Variants in HSPBP1 observed in about 807,000 individuals in gnomAD.
The protein encoded by HSPBP1 is hsp70-binding protein 1.
HSPBP1 carries 31 observed loss-of-function variants against 41.7 expected under a neutral mutation model. That is an observed-to-expected ratio of 0.74 (90% CI 0.56 to 1.00). The LOEUF (loss-of-function observed/expected upper bound fraction) is 1.00. HSPBP1 is among the 50% of genes least tolerant of loss of function. The pLI, the probability that HSPBP1 is intolerant of heterozygous loss-of-function variation, is 0.00. For synonymous variants in HSPBP1, 199 were observed against 214.4 expected, an observed-to-expected ratio of 0.93 and a Z score of 0.63; for missense variants, 439 against 487.9, an observed-to-expected ratio of 0.90 and a Z score of 0.94.
chr19:55,262,569 G>C lies in HSPBP1; in HGVS notation c.*39C>G. On this transcript the variant is annotated 3_prime_UTR_variant, in exon 8 of 8. Coordinates refer to ENST00000433386, the MANE Select transcript of HSPBP1 (RefSeq NM_012267.5). ...AGGTGGGGAGGGAGGCAAGAGGCCT[G>C]GGGTTCCCACGGAGAAGGGGGCAAG... 6.2e-7 allele frequency: 1 copy of C among 1,609,830 alleles called. No individual in the cohort carries two copies. Among genetic ancestry groups the C allele is most frequent in the Admixed American group, 1.7e-5 (1 of 59,504 alleles).
upstream of HSPBP1, chr19:55,280,327 GCCCTGC>G (rs1288649668): frequency 5.2e-5 from 8 of 155,258 alleles, no homozygotes; most frequent in African/African-American, 1.9e-4. Flanking sequence ...GCTGGTCAAA[GCCCTGC>G]CCCTGGCCCA....
intron 3 of HSPBP1, among the ~76,000 whole-genome samples, chr19:55,276,104 CAAAAAAA>C (rs59561808): frequency 6.1e-5 from 4 of 65,992 alleles, no homozygotes; most frequent in East Asian, 4.3e-4. Flanking sequence ...GAGACTGACT[CAAAAAAA>C]AAAAAAAAAA....
intron 4 of HSPBP1, among the ~76,000 whole-genome samples, chr19:55,266,514 C>A (rs796281834): frequency 5.0e-4 from 2 of 3,972 alleles, no homozygotes; most frequent in Non-Finnish European, 1.3e-3. Context: ...ATCACCACCA[C>A]CACCATCACC....
chr19:55,276,942 G>A (rs2088089534), intron 3 of HSPBP1, among the ~76,000 whole-genome samples: 1 of 152,164 alleles, frequency 6.6e-6, no homozygotes, highest in African/African-American at 2.4e-5. Context: ...ACAAGAGGAA[G>A]TAATCAGGAC....
intron 4 of HSPBP1, among the ~76,000 whole-genome samples, chr19:55,269,770 C>T (rs890678828): frequency 2.0e-5 from 3 of 152,176 alleles, no homozygotes; most frequent in Non-Finnish European, 4.4e-5. Context: ...TAGAATACTA[C>T]AGTATGGATC....
intron 1 of HSPBP1, 55 bp downstream of exon 1, chr19:55,279,980 A>T: frequency 2.8e-6 from 1 of 358,554 alleles, no homozygotes; most frequent in Non-Finnish European, 5.2e-6. Context: ...TCTCCTTAGC[A>T]ACAAGTCTTC....
rs144279522 is a variant in HSPBP1, at chr19:55,262,613, G to A, written c.1075C>T (p.Arg359Trp). The A allele has an allele frequency of 9.9e-6, 16 of 1,613,662 alleles. No homozygotes were observed. The highest frequency in any genetic ancestry group is 1.6e-4 in the Middle Eastern group (1 of 6,084). ...FSSPADDSMD[R>W] is the part of the protein sequence containing the mutation. ...GGGCAAGAAGCCACCTGGTTTCACC[G>A]ATCCATGCTGTCGTCCGCTGGGCTG... Residue 359 changes from arginine (R) to tryptophan (W), a missense_variant, in exon 8 of 8, where the codon CGG (arginine) becomes TGG (tryptophan). Arg to Trp is a moderately radical substitution (Grantham distance 101, BLOSUM62 -3). Transcript: ENST00000433386.
At chr19:55,278,115 C>T (rs779028246) in intron 2 of HSPBP1, among the ~76,000 whole-genome samples, 6 of 152,074 alleles carry the variant, frequency 3.9e-5, no homozygotes, top group Admixed American at 2.6e-4. Flanking sequence ...GGCCTGGTGG[C>T]GTGAGCCTGT....
rs186526700 is a variant in HSPBP1, at chr19:55,269,713, T to C, written c.641-3427A>G. Among the ~76,000 whole-genome samples, 5 of 152,228 alleles carry C rather than the reference T, an allele frequency of 3.3e-5. No individual in the cohort carries two copies. In the East Asian group the frequency reaches 9.7e-4, roughly 29 times the overall value. On this transcript the variant is annotated intron_variant, in intron 4 of 7. Transcript: ENST00000433386. ...GACAGTAAAAAGCTCAGGGGTGGGA[T>C]GACTAGCGGGAGCACAGAGGATTTG...
chr19:55,265,465 T>A lies in HSPBP1; in HGVS notation c.894-76A>T, dbSNP rs545246442. ...TGACCCAACCCTATCGCCCGCCCCG[T>A]CCCCTGGCTCACTCAGGAGCCTGGC... On this transcript the variant is annotated intron_variant, in intron 6 of 7. Transcript: ENST00000433386. 1.9e-5 allele frequency: 21 copies of A among 1,106,080 alleles called. 1 individual carries two copies. In the African/African-American group the frequency reaches 2.9e-4, roughly 15 times the overall value. The allele number at this position is 1,106,080 out of a possible 1,614,324, so 68.5% of individuals were successfully genotyped here. A position where few individuals can be genotyped will look rare whatever the true frequency, so the allele number is the denominator to read the frequency against.
rs1213168104 is a variant in HSPBP1, at chr19:55,266,266, C to T, written c.661G>A (p.Ala221Thr). ...AGGCGGAGGAACTGCAGCAGCCCAG[C>T]CTCCTGCTCTCGGACCAGACCTGGG... ...AISCLVREQE[A>T]GLLQFLRLDG... is the part of the protein sequence containing the mutation. Residue 221 changes from alanine to threonine, a missense_variant, in exon 5 of 8, where the codon GCT (alanine) becomes ACT (threonine). By Grantham distance (58) the Ala-to-Thr change is moderately conservative. Coordinates refer to ENST00000433386, the MANE Select transcript of HSPBP1 (RefSeq NM_012267.5). The T allele has an allele frequency of 6.3e-7, 1 of 1,580,644 alleles. No individual in the cohort carries two copies. Among genetic ancestry groups the T allele is most frequent in the South Asian group, 1.2e-5 (1 of 86,482 alleles).
chr19:55,266,788 G>C (rs1284699904), intron 4 of HSPBP1, among the ~76,000 whole-genome samples: 1 of 152,106 alleles, frequency 6.6e-6, no homozygotes, highest in African/African-American at 2.4e-5. Flanking sequence ...TATTCACAGG[G>C]TTGTATAACC....
Position 55,274,443 on chromosome 19 carries a change from C to A in HSPBP1, c.595G>T (p.Asp199Tyr). The change falls in exon 4 of 8, where the codon GAC (aspartate) becomes TAC (tyrosine). Residue 199 changes from aspartate (D) to tyrosine (Y), a missense_variant. By Grantham distance (160) the Asp-to-Tyr change is radical (BLOSUM62 -3). Transcript: ENST00000433386. ...TTGACGCGCACCGTGTCGCAGGCGTCGCGGTCCAGCAGCCGCAGCAGCTTA... is the reference window on the plus strand; with the variant it reads ...TTGACGCGCACCGTGTCGCAGGCGTAGCGGTCCAGCAGCCGCAGCAGCTTA... Reference protein sequence around the residue: ...LRKLLRLLDRDACDTVRVKAL... With the variant: ...LRKLLRLLDRYACDTVRVKAL... The A allele has an allele frequency of 6.4e-7, 1 of 1,573,152 alleles. No individual in the cohort carries two copies.
chr19:55,275,059 G>A (rs1176150519), intron 3 of HSPBP1, among the ~76,000 whole-genome samples: 2 of 152,198 alleles, frequency 1.3e-5, no homozygotes, highest in Non-Finnish European at 2.9e-5. Flanking sequence ...GAGGCCGGGA[G>A]AGCCAGGCCG....
chr19:55,270,523 A>G lies in HSPBP1; in HGVS notation c.640+3875T>C, dbSNP rs1292444720. 1.3e-5 allele frequency among the ~76,000 whole-genome samples: 2 copies of G among 152,138 alleles called. No homozygotes were observed. Among genetic ancestry groups the G allele is most frequent in the Non-Finnish European group, 2.9e-5 (2 of 68,010 alleles). ...GAAGCCGCCCTCCTCAGCAGGGGCC[A>G]CTGCTGCATTCCTCACCCGCAGGAA... is the stretch of plus-strand genomic sequence containing the variant. On this transcript the variant is annotated intron_variant, in intron 4 of 7. Transcript: ENST00000433386. This position sits in a 1 kb window ranked among gnomAD's most constrained non-coding sequence, Gnocchi z 5.4.
In HSPBP1 at chr19:55,262,578, A is replaced by G. The variant is rs144765548; in HGVS notation, c.*30T>C. On this transcript the variant is annotated 3_prime_UTR_variant, in exon 8 of 8. Transcript: ENST00000433386. ...GGGAGGCAAGAGGCCTGGGGTTCCC[A>G]CGGAGAAGGGGGCAAGAAGCCACCT... 11,824 of 1,611,674 alleles carry G rather than the reference A, an allele frequency of 7.3e-3. 57 individuals are homozygous for G. The highest frequency in any genetic ancestry group is 8.0e-3 in the Non-Finnish European group (9,488 of 1,178,852).
intron 4 of HSPBP1, among the ~76,000 whole-genome samples, chr19:55,266,952 A>G (rs771053645): frequency 9.2e-5 from 14 of 152,200 alleles, no homozygotes; most frequent in Admixed American, 2.0e-4. Context: ...AAATGTGTCC[A>G]TAAAATACGT....
Position 55,274,518 on chromosome 19 carries a change from G to T in HSPBP1, c.520C>A (p.Gln174Lys). The change falls in exon 4 of 8, where the codon CAG (glutamine) becomes AAG (lysine). Residue 174 changes from glutamine (Q) to lysine (K), a missense_variant. Gln to Lys is a moderately conservative substitution (Grantham distance 53). Transcript: ENST00000433386. Reference sequence around the variant, plus strand: ...TGCTCCTGGATGGCTGCCACGTTCTGACTGCACGTGCCGATGAGCTGTGCC... The same window carrying T: ...TGCTCCTGGATGGCTGCCACGTTCTTACTGCACGTGCCGATGAGCTGTGCC... ...RAAQLIGTCS[Q>K]NVAAIQEQVL... 6.2e-7 allele frequency: 1 copy of T among 1,605,844 alleles called. No individual in the cohort carries two copies.
chr19:55,277,855 C>A lies in HSPBP1; in HGVS notation c.211-9G>T. The stretch of plus-strand genomic sequence containing the variant: ...TGCAGCCACTGACGCCTCTGGAGAC[C>A]AAGGCGAGGAGGAAAGAAGGAGATC... On this transcript the variant is annotated splice_polypyrimidine_tract_variant and intron_variant, in intron 2 of 7. Transcript: ENST00000433386. 1 of 1,531,582 alleles carries A rather than the reference C, an allele frequency of 6.5e-7. No individual in the cohort carries two copies. The highest frequency in any genetic ancestry group is 8.8e-7 in the Non-Finnish European group (1 of 1,140,390). 94.9% of individuals were successfully genotyped at this position (1,531,582 alleles called of 1,614,324 possible). A position where few individuals can be genotyped will look rare whatever the true frequency, so the allele number is the denominator to read the frequency against.
Sources: allele counts gnomAD v4.1 joint callset (sites outside exome capture counted in the v4.1 genomes callset), GRCh38; gene constraint gnomAD v4.1.1; non-coding constraint Gnocchi (gnomAD v3.1); transcripts MANE v1.5; gene names NCBI Gene and HGNC (gene_info 2026-07-23, HGNC 2026-07-21).